STRBP: variants seen among roughly 807,000 people sequenced by gnomAD.
The protein encoded by STRBP is spermatid perinuclear RNA-binding protein.
Under a neutral mutation model 80.1 loss-of-function variants are expected in STRBP, and 13 were observed. The ratio of observed to expected loss-of-function variants is 0.16; its 90% CI spans 0.11 to 0.26. The LOEUF (loss-of-function observed/expected upper bound fraction) is 0.26, where lower values mean the gene tolerates loss of function less well. Ranked by LOEUF, STRBP falls within the 10% of genes least tolerant of loss-of-function variation. The pLI, the probability that STRBP is intolerant of heterozygous loss-of-function variation, is 1.00. For synonymous variants in STRBP, 284 were observed against 291.2 expected (o/e 0.98, Z 0.25); for missense variants, 485 against 815.2 (o/e 0.59, Z 4.93).
At chr9:123,146,271 A>G (rs371732100) in intron 13 of STRBP, among the ~76,000 whole-genome samples, 2 of 152,020 alleles carry the variant, frequency 1.3e-5, no homozygotes, top group African/African-American at 4.8e-5. Flanking sequence ...AATCCTGGAT[A>G]TTATTCCCGA....
chr9:123,180,215 A>T lies in STRBP; in HGVS notation c.4-988T>A, dbSNP rs137951198. Among the ~76,000 whole-genome samples, 32 of 152,338 alleles carry T rather than the reference A, an allele frequency of 2.1e-4. No homozygotes were observed. The East Asian group carries it at 5.8e-3, about 28-fold the overall frequency. ...AGGTTAAGTGAGCTACCACTATGTC[A>T]CTGCACTCCAACCTGGGCAACAGAG... On this transcript the variant is annotated intron_variant, in intron 3 of 18. Coordinates refer to ENST00000348403, the MANE Select transcript of STRBP (RefSeq NM_018387.5).
intron 1 of STRBP, among the ~76,000 whole-genome samples, chr9:123,267,525 A>G (rs892594668): frequency 3.4e-5 from 5 of 148,324 alleles, no homozygotes; most frequent in Non-Finnish European, 6.0e-5. Flanking sequence ...AGGCTCCCCT[A>G]TACACCTGGC....
chr9:123,214,843 T>C (rs2039840007), intron 2 of STRBP, among the ~76,000 whole-genome samples: 1 of 152,244 alleles, frequency 6.6e-6, no homozygotes, highest in South Asian at 2.1e-4. Context: ...TGTGTGGGTG[T>C]ATATATATGT....
Position 123,122,555 on chromosome 9 carries a change from T to C in STRBP, c.*3042A>G. 1 of 1,130,602 alleles carries C rather than the reference T, an allele frequency of 8.8e-7. No homozygotes were observed. The highest frequency in any genetic ancestry group is 1.1e-6 in the Non-Finnish European group (1 of 914,732). The allele number at this position is 1,130,602 out of a possible 1,614,324, so 70.0% of individuals were successfully genotyped here. ...GACTTCAGAACTATATAAACTCAAC[T>C]CCTTACTTCACCACCCATGCACTTC... On this transcript the variant is annotated 3_prime_UTR_variant, in exon 19 of 19. Coordinates refer to ENST00000348403, the MANE Select transcript of STRBP (RefSeq NM_018387.5).
rs2035906146 is a variant in STRBP, at chr9:123,126,641, T to A, written c.1943-968A>T. Among the ~76,000 whole-genome samples the A allele has an allele frequency of 6.6e-6, 1 of 152,208 alleles. No homozygotes were observed. The highest frequency in any genetic ancestry group is 1.9e-4 in the East Asian group (1 of 5,200). On this transcript the variant is annotated intron_variant, in intron 18 of 18. Coordinates refer to ENST00000348403, the MANE Select transcript of STRBP (RefSeq NM_018387.5). This position sits in a 1 kb window ranked among gnomAD's most constrained non-coding sequence, Gnocchi z 4.4. ...GTAACTTAGAATCTAGATATTAAAGTATTTTCAAAGGAAAAATCGAGCTCT... is the reference window on the plus strand; with the variant it reads ...GTAACTTAGAATCTAGATATTAAAGAATTTTCAAAGGAAAAATCGAGCTCT...
intron 2 of STRBP, among the ~76,000 whole-genome samples, chr9:123,208,916 C>G (rs2039615289): frequency 6.6e-6 from 1 of 152,200 alleles, no homozygotes; most frequent in Non-Finnish European, 1.5e-5. Flanking sequence ...CTTCCCCGAA[C>G]ACTTTAGCTG....
intron 1 of STRBP, among the ~76,000 whole-genome samples, chr9:123,252,964 T>C (rs1396747576): frequency 6.6e-6 from 1 of 152,216 alleles, no homozygotes; most frequent in Non-Finnish European, 1.5e-5. Context: ...CCAAAAGTTC[T>C]TTCAAACTTT....
At chr9:123,189,400 A>C (rs1478377810) in intron 2 of STRBP, among the ~76,000 whole-genome samples, 1 of 151,492 alleles carries the variant, frequency 6.6e-6, no homozygotes, top group African/African-American at 2.4e-5. Context: ...AACATGGCAC[A>C]TGTATACATA....
intron 2 of STRBP, among the ~76,000 whole-genome samples, chr9:123,196,983 C>T (rs902315798): frequency 1.3e-5 from 2 of 152,088 alleles, no homozygotes; most frequent in African/African-American, 2.4e-5. Flanking sequence ...TTGGAAGCAA[C>T]CTAAATGTCC....
intron 8 of STRBP, 59 bp downstream of exon 8, chr9:123,160,308 T>C: frequency 1.6e-6 from 2 of 1,275,426 alleles, no homozygotes; most frequent in Admixed American, 2.0e-5. Context: ...ATCTCATTTC[T>C]ACAGGATTTT....
chr9:123,248,591 T>C (rs2040849742), intron 1 of STRBP, among the ~76,000 whole-genome samples: 1 of 152,118 alleles, frequency 6.6e-6, no homozygotes, highest in Admixed American at 6.5e-5. Flanking sequence ...TTAAGGCAAA[T>C]AAAAACCTGT....
chr9:123,191,928 AAG>A (rs1266460432), intron 2 of STRBP, among the ~76,000 whole-genome samples: 2 of 152,222 alleles, frequency 1.3e-5, no homozygotes, highest in East Asian at 3.8e-4. Context: ...AACACTGTAT[AAG>A]AGTGGAAGGA....
chr9:123,243,952 A>T (rs2132613295), intron 1 of STRBP, among the ~76,000 whole-genome samples: 1 of 152,344 alleles, frequency 6.6e-6, no homozygotes, highest in African/African-American at 2.4e-5. Flanking sequence ...ACTTACATCC[A>T]CACAAAAGTC....
intron 2 of STRBP, among the ~76,000 whole-genome samples, chr9:123,228,231 T>C (rs1427515307): frequency 6.6e-6 from 1 of 152,174 alleles, no homozygotes; most frequent in South Asian, 2.1e-4. Context: ...ATGTTCCATT[T>C]AAAATGTCTA....
chr9:123,176,492 CT>C (rs375565067), intron 4 of STRBP, among the ~76,000 whole-genome samples: 1 of 151,962 alleles, frequency 6.6e-6, no homozygotes, highest in South Asian at 2.1e-4. Flanking sequence ...CTGAGTCACT[CT>C]TTTTTTTATA....
At chr9:123,229,029 T>C (rs1242870058) in intron 2 of STRBP, among the ~76,000 whole-genome samples, 1 of 152,220 alleles carries the variant, frequency 6.6e-6, no homozygotes, top group Non-Finnish European at 1.5e-5. Flanking sequence ...TCATACATGT[T>C]ATAATACGCA....
intron 11 of STRBP, among the ~76,000 whole-genome samples, chr9:123,151,461 A>G (rs2037054298): frequency 6.6e-6 from 1 of 152,226 alleles, no homozygotes; most frequent in African/African-American, 2.4e-5. Flanking sequence ...AAGAAGTATC[A>G]AAGGACAGAA....
rs1207817122 is a variant in STRBP, at chr9:123,136,018, A to G, written c.1773+23T>C. ...CTCTAACATTTTTCACAGGTTCTGC[A>G]AAGGTTTAATGTTTACTCATACCTG... On this transcript the variant is annotated intron_variant, in intron 16 of 18. Transcript: ENST00000348403. The surrounding 1 kb of genome is among the most constrained non-coding windows in gnomAD (Gnocchi z 4.2). 5 of 1,610,458 alleles carry G rather than the reference A, an allele frequency of 3.1e-6. No individual in the cohort carries two copies. The Admixed American group carries it at 5.0e-5, about 16-fold the overall frequency.
In STRBP at chr9:123,137,846, C is replaced by G. The variant is rs3824532; in HGVS notation, c.1498-1331G>C. Among the ~76,000 whole-genome samples, 16 of 152,294 alleles carry G rather than the reference C, an allele frequency of 1.1e-4. 1 individual carries two copies. In the East Asian group the frequency reaches 3.1e-3, roughly 29 times the overall value. On this transcript the variant is annotated intron_variant, in intron 14 of 18. Transcript: ENST00000348403. ...CAATTTTTAAGGACAAGTTTAAAAA[C>G]ATCAGTAACATCAATAAACATCTCT...
Sources: allele counts gnomAD v4.1 joint callset (sites outside exome capture counted in the v4.1 genomes callset), GRCh38; gene constraint gnomAD v4.1.1; non-coding constraint Gnocchi (gnomAD v3.1); transcripts MANE v1.5; gene names NCBI Gene and HGNC (gene_info 2026-07-23, HGNC 2026-07-21).